Variants in MYO9B observed in about 807,000 individuals in gnomAD.
The protein encoded by MYO9B is unconventional myosin-IXb.
A neutral mutation model predicts 229.5 loss-of-function variants in MYO9B; 71 were observed. That is an observed-to-expected ratio of 0.31 (90% CI 0.26 to 0.38). MYO9B has a LOEUF of 0.38. Among genes scored for constraint, MYO9B ranks in the 10% least tolerant of loss-of-function variants. MYO9B has a pLI of 1.00. For synonymous variants in MYO9B, 1,185 were observed against 1,235.8 expected, an observed-to-expected ratio of 0.96 and a Z score of 0.86; for missense variants, 2,255 against 2,920.5, an observed-to-expected ratio of 0.77 and a Z score of 5.25.
At chr19:17,210,953 A>G (rs965658323) in intron 38 of MYO9B, 105 bp downstream of exon 38, 1 of 1,181,164 alleles carries the variant, frequency 8.5e-7, no homozygotes. Context: ...TGGTCCTGTC[A>G]TCCCTAACAC....
Position 17,192,961 on chromosome 19 carries a change from G to T in MYO9B, c.3027G>T (p.Gln1009His). 1 of 1,535,092 alleles carries T rather than the reference G, an allele frequency of 6.5e-7. No homozygotes were observed. Among genetic ancestry groups the T allele is most frequent in the Non-Finnish European group, 8.8e-7 (1 of 1,135,744 alleles). ...GGACGCAGGCTGCCGTGTACCTCCA[G>T]GCCTCATGGAGGGGCTACTGGCAGC... ...LERTQAAVYL[Q>H]ASWRGYWQRK... Residue 1009 changes from glutamine (Q) to histidine (H), a missense_variant, in exon 21 of 40, where the codon CAG (glutamine) becomes CAT (histidine). Coordinates refer to ENST00000682292, the MANE Select transcript of MYO9B (RefSeq NM_004145.4).
chr19:17,091,699 G>A (rs966219674), intron 1 of MYO9B, among the ~76,000 whole-genome samples: 1 of 152,122 alleles, frequency 6.6e-6, no homozygotes, highest in African/African-American at 2.4e-5. Flanking sequence ...CCAGCTTGTG[G>A]TCCCAGCTAG....
intron 2 of MYO9B, among the ~76,000 whole-genome samples, chr19:17,132,178 CT>C (rs60927116): frequency 0.012 from 904 of 78,418 alleles, 1 homozygote; most frequent in African/African-American, 0.032. Context: ...TATTTTATTT[CT>C]TTTTTTTTTT....
rs573307226 is a variant in MYO9B at position 17,186,371 on chromosome 19, G to A, written c.2577+370G>A. Reference sequence around the variant, plus strand: ...TGCTCACATTACAAGTTTCTAGAGAGACCCTTGGAGCCCCCGTGGGACCAC... The same window carrying A: ...TGCTCACATTACAAGTTTCTAGAGAAACCCTTGGAGCCCCCGTGGGACCAC... On this transcript the variant is annotated intron_variant, in intron 18 of 39. Coordinates refer to ENST00000682292, the MANE Select transcript of MYO9B (RefSeq NM_004145.4). Among the ~76,000 whole-genome samples, 132 of 152,244 alleles carry A rather than the reference G, an allele frequency of 8.7e-4. 1 individual carries two copies. Among genetic ancestry groups the A allele is most frequent in the African/African-American group, 3.1e-3 (127 of 41,536 alleles).
chr19:17,099,644 T>G (rs1159516902), intron 1 of MYO9B, among the ~76,000 whole-genome samples: 2 of 151,640 alleles, frequency 1.3e-5, no homozygotes, highest in Non-Finnish European at 2.9e-5. Context: ...TGAAACTCCA[T>G]CTCTACTAAA....
Position 17,167,849 on chromosome 19 carries a change from G to A in MYO9B, c.1672-94G>A, listed in dbSNP as rs1009563360. On this transcript the variant is annotated intron_variant, in intron 10 of 39. Coordinates refer to ENST00000682292, the MANE Select transcript of MYO9B (RefSeq NM_004145.4). ...TATTTTGAAGCATTTCAGATTTTCG[G>A]ATTAGGGATACTCGACCTGTATGCA... The A allele has an allele frequency of 4.1e-6, 6 of 1,464,212 alleles. No individual in the cohort carries two copies. In the Admixed American group the frequency reaches 1.4e-4, roughly 33 times the overall value. The allele number at this position is 1,464,212 out of a possible 1,614,324, so 90.7% of individuals were successfully genotyped here.
chr19:17,089,343 A>G (rs976950761), intron 1 of MYO9B, among the ~76,000 whole-genome samples: 15 of 152,142 alleles, frequency 9.9e-5, no homozygotes, highest in African/African-American at 3.4e-4. Flanking sequence ...ATGCTGCACG[A>G]TGCATCCTAA....
chr19:17,187,584 A>ACT, intron 18 of MYO9B, among the ~76,000 whole-genome samples: 1 of 148,668 alleles, frequency 6.7e-6, no homozygotes, highest in Admixed American at 6.7e-5. Flanking sequence ...TTTTTTTTAA[A>ACT]AAATAAATTT....
chr19:17,206,113 G>A lies in MYO9B; in HGVS notation c.5218G>A (p.Ala1740Thr). ...TEGLYRKSGA[A>T]NRTRELRQAL... ...GGGCCTCTACCGCAAGTCGGGTGCT[G>A]CCAACCGCACTCGGGAGCTCCGGCA... is the stretch of plus-strand genomic sequence containing the variant. The change falls in exon 32 of 40, where the codon GCC (alanine) becomes ACC (threonine). Residue 1740 changes from alanine to threonine, a missense_variant. Ala to Thr is a moderately conservative substitution (Grantham distance 58). Coordinates refer to ENST00000682292, the MANE Select transcript of MYO9B (RefSeq NM_004145.4). The A allele has an allele frequency of 6.2e-7, 1 of 1,606,890 alleles. No homozygotes were observed. The highest frequency in any genetic ancestry group is 8.5e-7 in the Non-Finnish European group (1 of 1,175,168).
At position 17,132,567 on chromosome 19, in the gene MYO9B, C is replaced by T. The variant is rs187309595; in HGVS notation, c.841-12830C>T. ...TTTTTGAGACAGAGTCTCGCTCTGT[C>T]GCCCAGGCTGAAGTGCAGTGGCGCA... is the stretch of plus-strand genomic sequence containing the variant. On this transcript the variant is annotated intron_variant, in intron 2 of 39. Coordinates refer to ENST00000682292, the MANE Select transcript of MYO9B (RefSeq NM_004145.4). Among the ~76,000 whole-genome samples the T allele has an allele frequency of 6.2e-3, 817 of 132,398 alleles. 6 individuals carry two copies. The highest frequency in any genetic ancestry group is 0.02 in the African/African-American group (681 of 34,282). 86.9% of individuals were successfully genotyped at this position (132,398 alleles called of 152,430 possible).
chr19:17,105,071 G>A (rs572059149), intron 2 of MYO9B, among the ~76,000 whole-genome samples: 18 of 152,108 alleles, frequency 1.2e-4, no homozygotes, highest in Non-Finnish European at 2.2e-4. Context: ...ATGACCTTTG[G>A]CAGCCACAGC....
In MYO9B at chr19:17,173,820, C is replaced by T. The variant is rs1445417732; in HGVS notation, c.2140+857C>T. On this transcript the variant is annotated intron_variant, in intron 13 of 39. Coordinates refer to ENST00000682292, the MANE Select transcript of MYO9B (RefSeq NM_004145.4). ...ACCTGAGGCCTGCATGGTTGAGTGG[C>T]TCACCCAGGTCTAAGGGCTCCAACC... is the stretch of plus-strand genomic sequence containing the variant. 2.0e-5 allele frequency among the ~76,000 whole-genome samples: 3 copies of T among 152,066 alleles called. No homozygotes were observed. The East Asian group carries it at 5.8e-4, about 29-fold the overall frequency.
At chr19:17,190,693 C>T (rs895266035) in intron 19 of MYO9B, among the ~76,000 whole-genome samples, 25 of 151,426 alleles carry the variant, frequency 1.7e-4, no homozygotes, top group Admixed American at 1.5e-3. Flanking sequence ...GAGTCTCTCT[C>T]TGTCGCCCAG....
intron 1 of MYO9B, among the ~76,000 whole-genome samples, chr19:17,098,964 G>A (rs1164438956): frequency 8.6e-6 from 1 of 116,904 alleles, no homozygotes. Flanking sequence ...GAAACTGGGC[G>A]ACCCTCTCTC....
At position 17,145,190 on chromosome 19, in the gene MYO9B, T is replaced by C. The variant is rs373377943; in HGVS notation, c.841-207T>C. ...ACTCAGGAGGCTGAGGCATGAGAAT[T>C]GCTTGAACCCGGGAGGCAGAGGTTG... On this transcript the variant is annotated intron_variant, in intron 2 of 39. Coordinates refer to ENST00000682292, the MANE Select transcript of MYO9B (RefSeq NM_004145.4). Among the ~76,000 whole-genome samples, 29 of 151,838 alleles carry C rather than the reference T, an allele frequency of 1.9e-4. No individual in the cohort carries two copies. The East Asian group carries it at 3.7e-3, about 19-fold the overall frequency.
rs912515435 is a variant in MYO9B, at chr19:17,193,087, T to C, written c.3128+25T>C. The C allele has an allele frequency of 1.7e-5, 24 of 1,427,190 alleles. No homozygotes were observed. The highest frequency in any genetic ancestry group is 2.8e-5 in the Admixed American group (1 of 35,178). The allele number at this position is 1,427,190 out of a possible 1,614,324, so 88.4% of individuals were successfully genotyped here. ...GGTGAGCAGAGCCGGGCCACGCTCC[T>C]CGGAATATTCCAGAAGCCAAAAAGG... On this transcript the variant is annotated intron_variant, in intron 21 of 39. Coordinates refer to ENST00000682292, the MANE Select transcript of MYO9B (RefSeq NM_004145.4). The surrounding 1 kb of genome is among the most constrained non-coding windows in gnomAD (Gnocchi z 4.3).
intron 2 of MYO9B, among the ~76,000 whole-genome samples, chr19:17,136,629 G>C (rs34298573): frequency 0.2 from 30,688 of 151,832 alleles, 3,633 homozygotes; most frequent in African/African-American, 0.33. Flanking sequence ...CAGGGACGCT[G>C]TTCAACACCG....
intron 1 of MYO9B, among the ~76,000 whole-genome samples, chr19:17,092,685 G>A (rs1413669822): frequency 2.1e-5 from 3 of 142,498 alleles, no homozygotes; most frequent in Admixed American, 7.5e-5. Context: ...AGATCGCACC[G>A]CTGCATTCCA....
chr19:17,212,150 A>G lies in MYO9B; in HGVS notation c.6314A>G (p.Asp2105Gly), dbSNP rs2073238477. Reference sequence around the variant, plus strand: ...CGGGAGCCACCTGCCCGCCGCCCGGACCAGATACATTCCGTGTACATCACG... The same window carrying G: ...CGGGAGCCACCTGCCCGCCGCCCGGGCCAGATACATTCCGTGTACATCACG... Reference protein sequence around the residue: ...RRREPPARRPDQIHSVYITPG... With the variant: ...RRREPPARRPGQIHSVYITPG... Residue 2105 changes from aspartate to glycine, a missense_variant, in exon 40 of 40, where the codon GAC becomes GGC. Around this residue, in one of 7 missense-constraint regions of MYO9B, gnomAD observed 331 missense variants for 332.5 expected, o/e 1.00. Coordinates refer to ENST00000682292, the MANE Select transcript of MYO9B (RefSeq NM_004145.4). The surrounding 1 kb of genome is among the most constrained non-coding windows in gnomAD (Gnocchi z 5.4). 1 of 1,587,850 alleles carries G rather than the reference A, an allele frequency of 6.3e-7. No individual in the cohort carries two copies. The highest frequency in any genetic ancestry group is 8.6e-7 in the Non-Finnish European group (1 of 1,168,252).
Sources: allele counts gnomAD v4.1 joint callset (sites outside exome capture counted in the v4.1 genomes callset), GRCh38; gene constraint gnomAD v4.1.1; regional missense constraint gnomAD v4.1.1; non-coding constraint Gnocchi (gnomAD v3.1); transcripts MANE v1.5; gene names NCBI Gene and HGNC (gene_info 2026-07-23, HGNC 2026-07-21).